NIT1: variants seen among roughly 807,000 people sequenced by gnomAD.
NIT1 encodes nitrilase 1, also known as deaminated glutathione amidase.
Under a neutral mutation model 36.8 loss-of-function variants are expected in NIT1, and 30 were observed. The observed-to-expected ratio is 0.82, with a 90% CI of 0.61 to 1.11. The LOEUF (loss-of-function observed/expected upper bound fraction) is 1.11, where lower values mean the gene tolerates loss of function less well. Among genes scored for constraint, NIT1 ranks in the 50% least tolerant of loss-of-function variants. The pLI, the probability that NIT1 is intolerant of heterozygous loss-of-function variation, is 0.00. For synonymous variants in NIT1, 151 were observed against 155.6 expected (o/e 0.97, Z 0.22); for missense variants, 438 against 410.6 (o/e 1.07, Z -0.58).
chr1:161,121,248 G>A (rs1655459085), downstream of NIT1: 1 of 931,680 alleles, frequency 1.1e-6, no homozygotes, highest in South Asian at 4.7e-5. Flanking sequence ...AGGAGTGGAG[G>A]AGGGGGAAGG....
chr1:161,124,473 C>T (rs779596398), downstream of NIT1: 8 of 1,593,012 alleles, frequency 5.0e-6, 2 homozygotes, highest in South Asian at 7.9e-5. Context: ...GCTGGGGGCT[C>T]AGGTACGCAA....
At chr1:161,123,115 C>T (rs558356123), downstream of NIT1, 13 of 1,614,198 alleles carry the variant, frequency 8.1e-6, no homozygotes, top group South Asian at 1.3e-4. Context: ...TCACTGACTT[C>T]CGGCGTTTTC....
At chr1:161,122,008 CTTTT>C (rs961802613), downstream of NIT1, 64 of 1,180,248 alleles carry the variant, frequency 5.4e-5, no homozygotes, top group Admixed American at 1.2e-4. This position sits in a 1 kb window ranked among gnomAD's most constrained non-coding sequence, Gnocchi z 4.2. Context: ...CTTCCACTTT[CTTTT>C]GTCTTTTTCT....
rs1336699803 is a variant in NIT1 at position 161,118,808 on chromosome 1, C to T, written c.25C>T (p.Pro9Ser). ...CAGGCTGGGCTTCATCACCAGGCCT[C>T]CTCACAGATTCCTGTCCCTTCTGTG... The part of the protein sequence containing the change: MLGFITRP[P>S]HRFLSLLCPG... The change falls in exon 2 of 7, where the codon CCT (proline) becomes TCT (serine). Residue 9 changes from proline (P) to serine (S), a missense_variant. Coordinates refer to ENST00000368009, the MANE Select transcript of NIT1 (RefSeq NM_005600.3). 1 of 1,613,936 alleles carries T rather than the reference C, an allele frequency of 6.2e-7. No homozygotes were observed. Among genetic ancestry groups the T allele is most frequent in the Non-Finnish European group, 8.5e-7 (1 of 1,179,814 alleles).
At chr1:161,118,596 C>G (rs757100174) in intron 1 of NIT1, 190 bp from the exon 2 acceptor site, 4 of 1,536,052 alleles carry the variant, frequency 2.6e-6, no homozygotes, top group Non-Finnish European at 3.5e-6. Flanking sequence ...GAGCAGAGCC[C>G]CTTTCTCCAT....
In NIT1 at chr1:161,120,787, G is replaced by T; in HGVS notation, c.*22G>T. ...TTAAGACTTGACTTCTGTGAGTTTA[G>T]ACCTGCCCCTCCCACCCCCACCCTG... On this transcript the variant is annotated 3_prime_UTR_variant, in exon 7 of 7. Coordinates refer to ENST00000368009, the MANE Select transcript of NIT1 (RefSeq NM_005600.3). 2 of 1,603,736 alleles carry T rather than the reference G, an allele frequency of 1.2e-6. No homozygotes were observed. Among genetic ancestry groups the T allele is most frequent in the South Asian group, 2.2e-5 (2 of 90,268 alleles).
intron 3 of NIT1, 49 bp from the exon 4 acceptor site, chr1:161,119,460 T>A (rs1199964708): frequency 6.2e-7 from 1 of 1,612,974 alleles, no homozygotes; most frequent in Non-Finnish European, 8.5e-7. Context: ...GATATGAGGG[T>A]AGAGCCTTGA....
chr1:161,120,244 C>G lies in NIT1; in HGVS notation c.717+12C>G, dbSNP rs200982859. On this transcript the variant is annotated intron_variant, in intron 6 of 6. Coordinates refer to ENST00000368009, the MANE Select transcript of NIT1 (RefSeq NM_005600.3). ...CAGCCCACTGGGAGGTAAGATGATG[C>G]CTTTTTAAAACATAAGGGCCTTTTC... 1 of 1,613,520 alleles carries G rather than the reference C, an allele frequency of 6.2e-7. No homozygotes were observed. The highest frequency in any genetic ancestry group is 1.7e-5 in the Admixed American group (1 of 59,978).
At position 161,121,125 on chromosome 1, in the gene NIT1, C is replaced by T; in HGVS notation, c.*360C>T. 1 of 1,106,676 alleles carries T rather than the reference C, an allele frequency of 9.0e-7. No homozygotes were observed. The highest frequency in any genetic ancestry group is 1.1e-6 in the Non-Finnish European group (1 of 901,608). 68.6% of individuals were successfully genotyped at this position (1,106,676 alleles called of 1,614,324 possible). On this transcript the variant is annotated 3_prime_UTR_variant, in exon 7 of 7. Transcript: ENST00000368009. ...GGGAGTTGGTATTGTACCAGCTGGACTAAGCTCCAGTTCTAGACCTCCTGG... is the reference window on the plus strand; with the variant it reads ...GGGAGTTGGTATTGTACCAGCTGGATTAAGCTCCAGTTCTAGACCTCCTGG...
chr1:161,120,286 C>G (rs1557972571), intron 6 of NIT1, 54 bp downstream of exon 6: 9 of 1,598,538 alleles, frequency 5.6e-6, no homozygotes, highest in Middle Eastern at 3.8e-4. Flanking sequence ...TCATCTTCCC[C>G]CCTTGGCCCT....
rs373270446 is a variant in NIT1 at position 161,119,328 on chromosome 1, C to T, written c.293C>T (p.Thr98Met). The change falls in exon 3 of 7, where the codon ACG (threonine) becomes ATG (methionine). Residue 98 changes from threonine to methionine, a missense_variant. Transcript: ENST00000368009. ...FDFIARDPAE[T>M]LHLSEPLGGK... ...TTCATTGCACGGGACCCTGCAGAGA[C>T]GCTACACCTGTCTGAACCACTGGGT... 60 of 1,614,058 alleles carry T rather than the reference C, an allele frequency of 3.7e-5. No individual in the cohort carries two copies. The highest frequency in any genetic ancestry group is 5.0e-5 in the Non-Finnish European group (59 of 1,180,034).
intron 1 of NIT1, chr1:161,118,544 A>T: frequency 6.5e-7 from 1 of 1,536,228 alleles, no homozygotes; most frequent in South Asian, 1.2e-5. Context: ...AAGAGGCTTC[A>T]GTTTAATGTG....
chr1:161,122,120 G>C, downstream of NIT1: 2 of 1,609,342 alleles, frequency 1.2e-6, no homozygotes, highest in South Asian at 1.1e-5. This position sits in a 1 kb window ranked among gnomAD's most constrained non-coding sequence, Gnocchi z 4.2. Context: ...GATGGGAACA[G>C]TCCCCAAAGT....
At chr1:161,124,456 C>A (rs764797390), downstream of NIT1, 4 of 1,600,764 alleles carry the variant, frequency 2.5e-6, no homozygotes, top group South Asian at 4.4e-5. Context: ...CGCTTTAGGC[C>A]CGCCATGCTG....
Position 161,120,836 on chromosome 1 carries a change from G to A in NIT1, c.*71G>A. The A allele has an allele frequency of 6.6e-7, 1 of 1,522,338 alleles. No homozygotes were observed. The highest frequency in any genetic ancestry group is 8.9e-7 in the Non-Finnish European group (1 of 1,127,110). 94.3% of individuals were successfully genotyped at this position (1,522,338 alleles called of 1,614,324 possible). A position where few individuals can be genotyped will look rare whatever the true frequency, so the allele number is the denominator to read the frequency against. ...TGCCACTATGAGCTAGTGCTCATGT[G>A]ACTTGGAGGCAGGATCCAGGCACAG... On this transcript the variant is annotated 3_prime_UTR_variant, in exon 7 of 7. Transcript: ENST00000368009.
Position 161,120,798 on chromosome 1 carries a change from C to T in NIT1, c.*33C>T. ...CTTCTGTGAGTTTAGACCTGCCCCT[C>T]CCACCCCCACCCTGCCACTATGAGC... On this transcript the variant is annotated 3_prime_UTR_variant, in exon 7 of 7. Coordinates refer to ENST00000368009, the MANE Select transcript of NIT1 (RefSeq NM_005600.3). 6.3e-7 allele frequency: 1 copy of T among 1,579,872 alleles called. No individual in the cohort carries two copies. The highest frequency in any genetic ancestry group is 8.6e-7 in the Non-Finnish European group (1 of 1,159,674).
At chr1:161,122,993 G>A (rs993406565), downstream of NIT1, 12 of 1,613,872 alleles carry the variant, frequency 7.4e-6, no homozygotes, top group Admixed American at 1.7e-5. The surrounding 1 kb of genome is among the most constrained non-coding windows in gnomAD (Gnocchi z 4.2). Flanking sequence ...ACACTGAATA[G>A]CATAAACTGC....
rs143827217 is a variant in NIT1, at chr1:161,120,704, T to C, written c.923T>C (p.Leu308Pro). ...TATCTGCGACAGTTGCGCCGACACC[T>C]GCCTGTGTTCCAGCACCGCAGGCCT... ...LNYLRQLRRH[L>P]PVFQHRRPDL... Residue 308 changes from leucine (L) to proline (P), a missense_variant, in exon 7 of 7, where the codon CTG becomes CCG. Transcript: ENST00000368009. 5.6e-6 allele frequency: 9 copies of C among 1,614,050 alleles called. No homozygotes were observed. Among genetic ancestry groups the C allele is most frequent in the Non-Finnish European group, 7.6e-6 (9 of 1,180,024 alleles).
Position 161,118,772 on chromosome 1 carries a change from C to T in NIT1, c.3-14C>T. The T allele has an allele frequency of 1.6e-5, 25 of 1,597,494 alleles. No homozygotes were observed. Among genetic ancestry groups the T allele is most frequent in the Non-Finnish European group, 2.1e-5 (24 of 1,164,956 alleles). On this transcript the variant is annotated splice_polypyrimidine_tract_variant and intron_variant, in intron 1 of 6. Coordinates refer to ENST00000368009, the MANE Select transcript of NIT1 (RefSeq NM_005600.3). ...GAAGAAGGGGTTGGTGTCCTCATAT[C>T]TCACCTTCCTCAGGCTGGGCTTCAT... is the stretch of plus-strand genomic sequence containing the variant.
Sources: gnomAD v4.1 joint callset for allele counts on GRCh38, gnomAD v4.1.1 for gene constraint, Gnocchi (gnomAD v3.1) non-coding constraint, MANE v1.5 for transcripts, NCBI Gene and HGNC (gene_info 2026-07-23, HGNC 2026-07-21) for gene names.